The following TEK variants were observed in gnomAD, a reference collection of about 807,000 sequenced individuals.
TEK encodes the protein TEK receptor tyrosine kinase.
Under a neutral mutation model 131.8 loss-of-function variants are expected in TEK, and 43 were observed. The observed-to-expected ratio is 0.33, with a 90% CI of 0.26 to 0.42. TEK has a LOEUF of 0.42. Ranked by LOEUF, TEK falls within the 10% of genes least tolerant of loss-of-function variation. TEK has a pLI of 1.00. For missense variants in TEK, 1,162 were observed against 1,384.4 expected, an observed-to-expected ratio of 0.84 and a Z score of 2.55; for synonymous variants, 580 against 491.6, an observed-to-expected ratio of 1.18 and a Z score of -2.38.
In TEK at chr9:27,192,588, C is replaced by T. The variant is rs781074237; in HGVS notation, c.1589C>T (p.Pro530Leu). Residue 530 changes from proline to leucine, a missense_variant, in exon 11 of 23, where the codon CCT (proline) becomes CTT (leucine). Pro to Leu is a moderately conservative substitution (Grantham distance 98). This residue lies in a region of TEK where 477 missense variants were observed against 471.0 expected (regional missense o/e 1.01). Transcript: ENST00000380036. ...CGTGGAGAGGGTGGGGAAGGGCATC[C>T]TGGACCTGTGAGACGCTTCACAACA... is the stretch of plus-strand genomic sequence containing the variant. ...VRRGEGGEGH[P>L]GPVRRFTTAS... is the part of the protein sequence containing the mutation. 4 of 1,613,796 alleles carry T rather than the reference C, an allele frequency of 2.5e-6. No homozygotes were observed. Among genetic ancestry groups the T allele is most frequent in the Non-Finnish European group, 3.4e-6 (4 of 1,179,892 alleles).
Position 27,205,980 on chromosome 9 carries a change from T to C in TEK, c.2365-602T>C, listed in dbSNP as rs565512892. 7.9e-3 allele frequency among the ~76,000 whole-genome samples: 1,200 copies of C among 152,128 alleles called. 6 individuals are homozygous for C. Among genetic ancestry groups the C allele is most frequent in the Non-Finnish European group, 0.014 (935 of 67,988 alleles). The stretch of plus-strand genomic sequence containing the variant: ...AAGGGGGTTGGGAGTGCTGAGCCTG[T>C]CAAAATACCGGTGCTTTTTCATGGT... On this transcript the variant is annotated intron_variant, in intron 14 of 22. Transcript: ENST00000380036.
At position 27,182,834 on chromosome 9, in the gene TEK, CA is replaced by C. The variant is rs142327622; in HGVS notation, c.1031-624del. On this transcript the variant is annotated intron_variant, in intron 7 of 22. Transcript: ENST00000380036. Reference sequence around the variant, plus strand: ...ACATTTTTCCTTCTTTCAATATTGGCAGCAACATTTTTGATTTGGCTGTTGA... The same window carrying C: ...ACATTTTTCCTTCTTTCAATATTGGCGCAACATTTTTGATTTGGCTGTTGA... 1.4e-4 allele frequency among the ~76,000 whole-genome samples: 21 copies of C among 152,324 alleles called. No homozygotes were observed. The East Asian group carries it at 2.3e-3, about 17-fold the overall frequency.
intron 3 of TEK, among the ~76,000 whole-genome samples, chr9:27,168,879 A>T (rs750405371): frequency 6.6e-6 from 1 of 152,242 alleles, no homozygotes; most frequent in Non-Finnish European, 1.5e-5. Context: ...AACTTCAGCC[A>T]TATAAAGTGT....
intron 1 of TEK, among the ~76,000 whole-genome samples, chr9:27,148,638 C>T (rs1375727235): frequency 2.6e-5 from 4 of 152,212 alleles, no homozygotes; most frequent in African/African-American, 7.2e-5. Context: ...AAAGAAGTCC[C>T]ATGGCCAAGC....
intron 1 of TEK, among the ~76,000 whole-genome samples, chr9:27,149,661 G>A (rs1823052694): frequency 6.6e-6 from 1 of 152,176 alleles, no homozygotes; most frequent in Non-Finnish European, 1.5e-5. Flanking sequence ...GTGCAGGCAA[G>A]TCAGTCAAAT....
At chr9:27,178,475 CG>C (rs1372789144) in intron 6 of TEK, among the ~76,000 whole-genome samples, 1 of 151,614 alleles carries the variant, frequency 6.6e-6, no homozygotes, top group Non-Finnish European at 1.5e-5. Flanking sequence ...ATTTTAGTAT[CG>C]TTTTTTCTAT....
At chr9:27,168,064 G>A (rs997566406) in intron 2 of TEK, among the ~76,000 whole-genome samples, 11 of 152,244 alleles carry the variant, frequency 7.2e-5, no homozygotes, top group Admixed American at 6.5e-4. Flanking sequence ...AATGTTCATT[G>A]GAGCATTTTG....
In TEK at chr9:27,138,718, G is replaced by A. The variant is rs549003430; in HGVS notation, c.53-19113G>A. Among the ~76,000 whole-genome samples the A allele has an allele frequency of 8.5e-5, 13 of 152,250 alleles. 1 individual carries two copies. The South Asian group carries it at 2.7e-3, about 32-fold the overall frequency. Reference sequence around the variant, plus strand: ...ACCCAGCTGTTTTTCAATCACAGATGGAAAATACAGTATTCACAGGATCTG... The same window carrying A: ...ACCCAGCTGTTTTTCAATCACAGATAGAAAATACAGTATTCACAGGATCTG... On this transcript the variant is annotated intron_variant, in intron 1 of 22. Transcript: ENST00000380036.
intron 11 of TEK, among the ~76,000 whole-genome samples, chr9:27,193,800 G>A (rs1165087319): frequency 1.3e-5 from 2 of 151,934 alleles, no homozygotes; most frequent in African/African-American, 2.4e-5. Context: ...CTAAATCTTC[G>A]GGCTTCATAT....
intron 7 of TEK, 118 bp from the exon 8 acceptor site, chr9:27,183,341 A>G: frequency 8.7e-7 from 1 of 1,154,450 alleles, no homozygotes; most frequent in South Asian, 1.2e-5. Context: ...ACAAAACAGT[A>G]AAATATTTGC....
chr9:27,152,441 G>A (rs1823162097), intron 1 of TEK, among the ~76,000 whole-genome samples: 1 of 151,536 alleles, frequency 6.6e-6, no homozygotes, highest in African/African-American at 2.4e-5. Flanking sequence ...ATTGGAGCAA[G>A]CATGTTGTGC....
At chr9:27,153,970 G>A (rs923090969) in intron 1 of TEK, among the ~76,000 whole-genome samples, 8 of 151,884 alleles carry the variant, frequency 5.3e-5, no homozygotes, top group African/African-American at 1.9e-4. Context: ...TTTCAGCATT[G>A]TGAGATAACA....
At chr9:27,165,871 C>T (rs1823711616) in intron 2 of TEK, among the ~76,000 whole-genome samples, 1 of 152,218 alleles carries the variant, frequency 6.6e-6, no homozygotes, top group South Asian at 2.1e-4. Flanking sequence ...GCAAGGCACC[C>T]ATGCTAGGAT....
intron 21 of TEK, among the ~76,000 whole-genome samples, chr9:27,224,237 G>GAAAA (rs201411369): frequency 0.071 from 10,732 of 152,164 alleles, 447 homozygotes; most frequent in East Asian, 0.1. Flanking sequence ...TAGAAAAAGA[G>GAAAA]GGATCTTTCC....
intron 21 of TEK, among the ~76,000 whole-genome samples, chr9:27,227,473 A>T (rs188786771): frequency 4.6e-5 from 7 of 152,350 alleles, no homozygotes; most frequent in Non-Finnish European, 8.8e-5. Context: ...ATGGTGGCTT[A>T]TAAACAACAG....
chr9:27,185,186 C>T (rs1259835434), intron 8 of TEK, among the ~76,000 whole-genome samples: 1 of 152,122 alleles, frequency 6.6e-6, no homozygotes. Flanking sequence ...AGGAACAAAT[C>T]TTATGAGGAG....
intron 6 of TEK, among the ~76,000 whole-genome samples, chr9:27,178,218 T>G (rs1362741997): frequency 6.6e-6 from 1 of 152,088 alleles, no homozygotes; most frequent in Non-Finnish European, 1.5e-5. Flanking sequence ...TTGAAGAGAT[T>G]ATCCTTTCCC....
chr9:27,203,146 T>C lies in TEK; in HGVS notation c.2209+27T>C, dbSNP rs638189. ...TTGGTTGAATGGACAAGTATTTACA[T>C]AGGATTACCGTGCAGCCCTATAGGC... On this transcript the variant is annotated intron_variant, in intron 13 of 22. Transcript: ENST00000380036. The C allele has an allele frequency of 3.7e-3, 5,947 of 1,612,662 alleles. 154 individuals carry two copies. The African/African-American group carries it at 0.062, about 17-fold the overall frequency.
In TEK at chr9:27,217,555, T is replaced by C; in HGVS notation, c.2992-133T>C. On this transcript the variant is annotated intron_variant, in intron 18 of 22. Transcript: ENST00000380036. ...ATGTTTTGAAATTTGAAAACACATG[T>C]AGCTGGGACATACACAAAGCAATGA... The C allele has an allele frequency of 7.8e-6, 6 of 765,090 alleles. No individual in the cohort carries two copies. In the South Asian group the frequency reaches 8.9e-5, roughly 11 times the overall value. The allele number at this position is 765,090 out of a possible 1,614,324, so 47.4% of individuals were successfully genotyped here. A position where few individuals can be genotyped will look rare whatever the true frequency, so the allele number is the denominator to read the frequency against.
Sources: allele counts gnomAD v4.1 joint callset (sites outside exome capture counted in the v4.1 genomes callset), GRCh38; gene constraint gnomAD v4.1.1; regional missense constraint gnomAD v4.1.1; transcripts MANE v1.5; gene names NCBI Gene and HGNC (gene_info 2026-07-23, HGNC 2026-07-21).